The following DRC9 variants were observed in gnomAD, a reference collection of about 807,000 sequenced individuals.
The protein encoded by DRC9 is dynein regulatory complex protein 9.
the DRC9 span, chr3:197,913,349 TGTGC>T: frequency 3.5e-4 from 65 of 188,024 alleles, no homozygotes; most frequent in Middle Eastern, 2.0e-3. Context: ...TGCGTGCGTG[TGTGC>T]GTGCGTGCGT....
the DRC9 span, chr3:197,889,253 A>G: frequency 1.1e-5 from 3 of 274,122 alleles, no homozygotes; most frequent in Non-Finnish European, 1.4e-5. Flanking sequence ...TCAAGTTTCA[A>G]TGCGTCACTG....
the DRC9 span, among the ~76,000 whole-genome samples, chr3:197,910,359 A>G: frequency 6.6e-6 from 1 of 152,172 alleles, no homozygotes; most frequent in Non-Finnish European, 1.5e-5. Context: ...TGGGCTGAAG[A>G]TCTGGGAAAC....
the DRC9 span, among the ~76,000 whole-genome samples, chr3:197,924,189 G>A: frequency 6.6e-6 from 1 of 151,214 alleles, no homozygotes; most frequent in Non-Finnish European, 1.5e-5. Context: ...AACCCCGTCT[G>A]TACTAAAAAT....
the DRC9 span, chr3:197,932,252 G>A: frequency 3.7e-6 from 6 of 1,612,588 alleles, no homozygotes; most frequent in East Asian, 4.5e-5. Context: ...GTAAGTGGCC[G>A]AATCTTGCAA....
chr3:197,912,082 C>G, the DRC9 span, among the ~76,000 whole-genome samples: 2 of 151,964 alleles, frequency 1.3e-5, no homozygotes, highest in Non-Finnish European at 2.9e-5. Context: ...GCTCTGTTGC[C>G]TAGGCTGGAG....
At chr3:197,892,873 G>T in the DRC9 span, 2 of 1,348,824 alleles carry the variant, frequency 1.5e-6, no homozygotes, top group East Asian at 2.3e-5. Context: ...AGTGAGAGAA[G>T]GCAGAACAGT....
chr3:197,953,627 C>T, the DRC9 span: 1 of 455,936 alleles, frequency 2.2e-6, no homozygotes, highest in Admixed American at 2.4e-5. Flanking sequence ...ATGGTCACCT[C>T]AGTGAGACCT....
chr3:197,912,709 G>GT, the DRC9 span: 6 of 1,614,120 alleles, frequency 3.7e-6, no homozygotes, highest in Non-Finnish European at 5.1e-6. Context: ...TTCAATCTCT[G>GT]TATGAGTCCG....
chr3:197,920,402 A>G, the DRC9 span, among the ~76,000 whole-genome samples: 1 of 149,330 alleles, frequency 6.7e-6, no homozygotes, highest in Non-Finnish European at 1.5e-5. Context: ...CCTGGGCAAC[A>G]AAGAGAGAAC....
chr3:197,930,882 A>C, the DRC9 span, among the ~76,000 whole-genome samples: 2 of 151,888 alleles, frequency 1.3e-5, no homozygotes, highest in East Asian at 1.9e-4. Flanking sequence ...AAAAATACAA[A>C]AATTAGCCAG....
At chr3:197,946,613 C>T in the DRC9 span, among the ~76,000 whole-genome samples, 1 of 152,016 alleles carries the variant, frequency 6.6e-6, no homozygotes, top group East Asian at 1.9e-4. Context: ...TGGTGAGTTT[C>T]CAATGTAAAT....
chr3:197,954,151 A>T, the DRC9 span: 1 of 1,614,084 alleles, frequency 6.2e-7, no homozygotes, highest in African/African-American at 1.3e-5. Context: ...CCGAGTGGTG[A>T]GTATGGTTTT....
the DRC9 span, among the ~76,000 whole-genome samples, chr3:197,897,509 T>C: frequency 4.6e-5 from 7 of 152,168 alleles, no homozygotes; most frequent in African/African-American, 1.7e-4. Flanking sequence ...AAGCAAACAT[T>C]ATTAGAAATA....
chr3:197,945,665 A>T, the DRC9 span: 1 of 1,535,190 alleles, frequency 6.5e-7, no homozygotes, highest in Non-Finnish European at 8.9e-7. Context: ...GTATATTTAT[A>T]ATCTCACAAA....
At chr3:197,960,046 G>C in the DRC9 span, 2 of 601,964 alleles carry the variant, frequency 3.3e-6, no homozygotes, top group Non-Finnish European at 5.8e-6. Context: ...AGCATTTATT[G>C]GCCGGCTTCG....
the DRC9 span, among the ~76,000 whole-genome samples, chr3:197,934,602 A>G: frequency 2.6e-5 from 4 of 152,108 alleles, no homozygotes; most frequent in East Asian, 7.7e-4. Flanking sequence ...ACCTAGTTTG[A>G]GAAAGAGCTG....
the DRC9 span, chr3:197,943,955 T>C: frequency 3.7e-6 from 6 of 1,614,044 alleles, no homozygotes; most frequent in African/African-American, 8.0e-5. Flanking sequence ...TAGGTATTCC[T>C]TCTTCTTCTA....
At chr3:197,918,257 GCTT>G in the DRC9 span, among the ~76,000 whole-genome samples, 3 of 98,980 alleles carry the variant, frequency 3.0e-5, no homozygotes, top group African/African-American at 1.3e-4. Context: ...CTAATTTTTT[GCTT>G]TTTTTTTTTT....
At chr3:197,917,731 TTTCTC>T in the DRC9 span, among the ~76,000 whole-genome samples, 1 of 147,200 alleles carries the variant, frequency 6.8e-6, no homozygotes, top group African/African-American at 2.7e-5. Flanking sequence ...CCATTTCTCT[TTTCTC>T]TTTTTTTTTT....
Sources: allele counts gnomAD v4.1 joint callset (sites outside exome capture counted in the v4.1 genomes callset), GRCh38; gene constraint gnomAD v4.1.1; transcripts MANE v1.5; gene names NCBI Gene and HGNC (gene_info 2026-07-23, HGNC 2026-07-21).